Variants in ST7L observed in about 807,000 individuals in gnomAD.
ST7L encodes suppression of tumorigenicity 7 like.
ST7L carries 57 observed loss-of-function variants against 72.5 expected under a neutral mutation model. That is an observed-to-expected ratio of 0.79 (90% CI 0.64 to 0.98). The LOEUF (loss-of-function observed/expected upper bound fraction) is 0.98. ST7L is among the 50% of genes least tolerant of loss of function. The probability of loss-of-function intolerance (pLI) is 0.00; values close to 1 mark genes in which losing one functional copy is unlikely to be tolerated. For missense variants in ST7L, 576 were observed against 672.2 expected (o/e 0.86, Z 1.58); for synonymous variants, 221 against 240.9 (o/e 0.92, Z 0.77).
chr1:112,581,221 TTC>T (rs149379121), intron 9 of ST7L, among the ~76,000 whole-genome samples: 2,808 of 152,266 alleles, frequency 0.018, 74 homozygotes, highest in East Asian at 0.093. Context: ...GCTAAGCAAC[TTC>T]TCTGTTAGGC....
chr1:112,593,302 A>G (rs1483869734), intron 5 of ST7L, among the ~76,000 whole-genome samples: 1 of 152,202 alleles, frequency 6.6e-6, no homozygotes, highest in Non-Finnish European at 1.5e-5. Flanking sequence ...TTTCTAAAAT[A>G]AGGCTTAGGA....
chr1:112,589,873 G>A (rs1396015073), intron 6 of ST7L, among the ~76,000 whole-genome samples: 1 of 152,196 alleles, frequency 6.6e-6, no homozygotes, highest in East Asian at 1.9e-4. Flanking sequence ...CTGAGCATAT[G>A]CCCAGCTCTG....
chr1:112,619,669 C>G, upstream of ST7L: 1 of 592,552 alleles, frequency 1.7e-6, no homozygotes. Context: ...CTTCCTGGGG[C>G]GCGGGCGCGG....
chr1:112,555,763 C>T lies in ST7L; in HGVS notation c.1396+105G>A, dbSNP rs1258101896. Reference sequence around the variant, plus strand: ...AATTTCCATTTGAAACCAATCTGAACGACAAATCCTTATGGAAACCCAGAC... The same window carrying T: ...AATTTCCATTTGAAACCAATCTGAATGACAAATCCTTATGGAAACCCAGAC... On this transcript the variant is annotated intron_variant, in intron 12 of 14. Transcript: ENST00000358039. 1.3e-5 allele frequency: 15 copies of T among 1,144,126 alleles called. No individual in the cohort carries two copies. The Admixed American group carries it at 1.6e-4, about 12-fold the overall frequency. 70.9% of individuals were successfully genotyped at this position (1,144,126 alleles called of 1,614,324 possible).
chr1:112,596,177 AT>A (rs999432470), intron 5 of ST7L, among the ~76,000 whole-genome samples: 9 of 152,026 alleles, frequency 5.9e-5, no homozygotes, highest in South Asian at 2.1e-4. Flanking sequence ...ACATAAATCT[AT>A]TTTTTTTACT....
chr1:112,618,762 G>A (rs2101113919), intron 1 of ST7L, 147 bp downstream of exon 1: 1 of 1,431,250 alleles, frequency 7.0e-7, no homozygotes, highest in East Asian at 2.5e-5. Context: ...CAAGGTTGCA[G>A]CCCAAAAGAA....
At chr1:112,546,642 A>T (rs1006325177) in intron 13 of ST7L, among the ~76,000 whole-genome samples, 3 of 152,168 alleles carry the variant, frequency 2.0e-5, no homozygotes, top group South Asian at 4.1e-4. Context: ...GGAAATCCTA[A>T]TGGCTTTCTA....
At chr1:112,612,860 A>G (rs543673171) in intron 2 of ST7L, among the ~76,000 whole-genome samples, 3 of 152,198 alleles carry the variant, frequency 2.0e-5, no homozygotes, top group South Asian at 4.1e-4. Flanking sequence ...GCTCATGCCT[A>G]TAATCCCAAC....
downstream of ST7L, among the ~76,000 whole-genome samples, chr1:112,519,181 C>T (rs1652720860): frequency 6.6e-6 from 1 of 152,128 alleles, no homozygotes; most frequent in African/African-American, 2.4e-5. Context: ...CATTCTGGAT[C>T]CTTTACTCCT....
intron 5 of ST7L, among the ~76,000 whole-genome samples, chr1:112,596,427 A>G (rs1666490033): frequency 6.6e-6 from 1 of 152,118 alleles, no homozygotes. Flanking sequence ...TAGCTGTGTG[A>G]CTCAAGGCAT....
chr1:112,573,910 GTTTTT>G (rs920123003), intron 11 of ST7L, among the ~76,000 whole-genome samples: 1 of 91,850 alleles, frequency 1.1e-5, no homozygotes, highest in African/African-American at 4.4e-5. Flanking sequence ...TTCTTTTCCT[GTTTTT>G]TTTTTTTTTT....
chr1:112,602,109 G>C (rs1046235753), intron 3 of ST7L, among the ~76,000 whole-genome samples: 2 of 142,828 alleles, frequency 1.4e-5, no homozygotes, highest in African/African-American at 5.1e-5. Flanking sequence ...AAAAAGAAAA[G>C]AAAAGAAAAT....
chr1:112,539,878 C>T, intron 14 of ST7L: 1 of 985,360 alleles, frequency 1.0e-6, no homozygotes, highest in Non-Finnish European at 1.2e-6. Flanking sequence ...CCATTAGGCA[C>T]ATTCTTAACA....
rs199676111 is a variant in ST7L, at chr1:112,570,568, T to TACACACACACACAC, written c.1245+6417_1245+6418insGTGTGTGTGTGTGT. ...ATGTATATATATATATATATATATATATACACACACACATATATTTGAAAT... is the reference window on the plus strand; with the variant it reads ...ATGTATATATATATATATATATATATACACACACACACACATACACACACACATATATTTGAAAT... On this transcript the variant is annotated intron_variant, in intron 11 of 14. Coordinates refer to ENST00000358039, the MANE Select transcript of ST7L (RefSeq NM_017744.5). Among the ~76,000 whole-genome samples, 346 of 144,840 alleles carry TACACACACACACAC rather than the reference T, an allele frequency of 2.4e-3. 4 individuals carry two copies. The highest frequency in any genetic ancestry group is 8.9e-3 in the African/African-American group (331 of 37,116).
At chr1:112,518,349 G>A in the ST7L span, 14 of 152,296 alleles carry the variant, frequency 9.2e-5, no homozygotes, top group South Asian at 2.9e-3. Flanking sequence ...GTCAGGACTT[G>A]GGTGAAGTGG....
intron 11 of ST7L, among the ~76,000 whole-genome samples, chr1:112,565,247 T>TG (rs1660822617): frequency 6.9e-6 from 1 of 145,716 alleles, no homozygotes; most frequent in African/African-American, 2.6e-5. Context: ...TTTTTGTATT[T>TG]TCAGTAGAGA....
At chr1:112,573,186 C>T (rs985246029) in intron 11 of ST7L, among the ~76,000 whole-genome samples, 22 of 151,500 alleles carry the variant, frequency 1.5e-4, no homozygotes, top group Middle Eastern at 3.4e-3. Context: ...CCATCTCAAC[C>T]GAAAATACAA....
chr1:112,593,207 C>T (rs888865496), intron 5 of ST7L, among the ~76,000 whole-genome samples: 1 of 151,994 alleles, frequency 6.6e-6, no homozygotes, highest in African/African-American at 2.4e-5. Context: ...CCTAGCCTTT[C>T]AAGAGTATTC....
chr1:112,529,751 TAAAAAAAA>T (rs78844605), intron 14 of ST7L: 4 of 98,990 alleles, frequency 4.0e-5, no homozygotes, highest in Non-Finnish European at 8.6e-5. Flanking sequence ...AGATAAAAGT[TAAAAAAAA>T]AAAAAAAAAA....
Sources: allele counts gnomAD v4.1 joint callset (sites outside exome capture counted in the v4.1 genomes callset), GRCh38; gene constraint gnomAD v4.1.1; transcripts MANE v1.5; gene names NCBI Gene and HGNC (gene_info 2026-07-23, HGNC 2026-07-21).